The following TTC28 variants were observed in gnomAD, a reference collection of about 807,000 sequenced individuals.
TTC28 encodes the protein tetratricopeptide repeat domain 28.
A neutral mutation model predicts 198.0 loss-of-function variants in TTC28; 61 were observed. The observed-to-expected ratio is 0.31, with a 90% CI of 0.25 to 0.38. The LOEUF (loss-of-function observed/expected upper bound fraction) is 0.38. TTC28 is among the 10% of genes least tolerant of loss of function. The probability of loss-of-function intolerance (pLI) is 1.00; values close to 1 mark genes in which losing one functional copy is unlikely to be tolerated. For missense variants in TTC28, 2,678 were observed against 3,164.0 expected (o/e 0.85, Z 3.69); for synonymous variants, 1,171 against 1,297.8 (o/e 0.90, Z 2.10).
intron 5 of TTC28, among the ~76,000 whole-genome samples, chr22:28,278,890 C>T (rs543875250): frequency 2.6e-5 from 4 of 152,120 alleles, no homozygotes; most frequent in Non-Finnish European, 5.9e-5. Flanking sequence ...CTAGGATATG[C>T]GGGGTACGTA....
At chr22:28,366,503 T>C (rs1283399415) in intron 2 of TTC28, among the ~76,000 whole-genome samples, 1 of 152,040 alleles carries the variant, frequency 6.6e-6, no homozygotes, top group Non-Finnish European at 1.5e-5. Context: ...CAATAAAAAG[T>C]AATAAGTACT....
intron 2 of TTC28, among the ~76,000 whole-genome samples, chr22:28,568,660 C>G (rs2050016511): frequency 6.6e-6 from 1 of 152,068 alleles, no homozygotes; most frequent in African/African-American, 2.4e-5. Flanking sequence ...GGCAAAAGAG[C>G]TCTACAATGA....
intron 5 of TTC28, among the ~76,000 whole-genome samples, chr22:28,178,301 C>CA (rs71194755): frequency 0.62 from 85,054 of 137,194 alleles, 26,501 homozygotes; most frequent in Non-Finnish European, 0.66. Flanking sequence ...CTAATAAATA[C>CA]AAAAAAAAAA....
At chr22:28,277,438 G>C (rs571893289) in intron 5 of TTC28, among the ~76,000 whole-genome samples, 1 of 152,270 alleles carries the variant, frequency 6.6e-6, no homozygotes, top group South Asian at 2.1e-4. Context: ...CAGTGAATGG[G>C]AAGGGCATTG....
intron 2 of TTC28, among the ~76,000 whole-genome samples, chr22:28,388,165 C>T (rs559895019): frequency 4.6e-5 from 7 of 152,172 alleles, no homozygotes; most frequent in African/African-American, 1.7e-4. Flanking sequence ...AGATATGCGG[C>T]GTTATTTCTG....
intron 2 of TTC28, among the ~76,000 whole-genome samples, chr22:28,537,294 A>AATATC: frequency 1.3e-5 from 1 of 74,560 alleles, no homozygotes. Flanking sequence ...CTCCGTCTCA[A>AATATC]AAATAAAATA....
intron 6 of TTC28, among the ~76,000 whole-genome samples, chr22:28,120,366 C>CA (rs1478519976): frequency 1.3e-5 from 2 of 152,104 alleles, no homozygotes; most frequent in Non-Finnish European, 2.9e-5. Flanking sequence ...CGCCCTGGGA[C>CA]CTTCATTATC....
chr22:28,338,457 C>A (rs1057226705), intron 2 of TTC28, among the ~76,000 whole-genome samples: 2 of 151,824 alleles, frequency 1.3e-5, no homozygotes, highest in African/African-American at 4.8e-5. Flanking sequence ...TCCATTCTCC[C>A]CATGACTTTC....
chr22:28,127,271 T>C (rs1212546026), intron 6 of TTC28, among the ~76,000 whole-genome samples: 1 of 152,166 alleles, frequency 6.6e-6, no homozygotes, highest in East Asian at 1.9e-4. Flanking sequence ...TCTTAAGTCA[T>C]TTTGCTAAAA....
chr22:28,528,688 A>G (rs2049062370), intron 2 of TTC28, among the ~76,000 whole-genome samples: 1 of 149,996 alleles, frequency 6.7e-6, no homozygotes, highest in African/African-American at 2.4e-5. Context: ...GTGAACTGAG[A>G]TCACACCACT....
chr22:28,562,697 C>A (rs2049905648), intron 2 of TTC28, among the ~76,000 whole-genome samples: 1 of 152,192 alleles, frequency 6.6e-6, no homozygotes, highest in South Asian at 2.1e-4. Context: ...AGGTTTGGAG[C>A]TGACAAACAA....
At chr22:28,003,447 C>G (rs1320775325) in intron 14 of TTC28, among the ~76,000 whole-genome samples, 6 of 152,288 alleles carry the variant, frequency 3.9e-5, no homozygotes, top group Non-Finnish European at 2.9e-5. Context: ...TTCCACTGTT[C>G]CAGAGTCGCA....
chr22:28,413,558 A>C (rs2047120403), intron 2 of TTC28, among the ~76,000 whole-genome samples: 1 of 152,214 alleles, frequency 6.6e-6, no homozygotes, highest in East Asian at 1.9e-4. Flanking sequence ...ACTTACACCA[A>C]TACCAGAGGC....
At chr22:28,501,100 C>T (rs1020047338) in intron 2 of TTC28, among the ~76,000 whole-genome samples, 2 of 152,104 alleles carry the variant, frequency 1.3e-5, no homozygotes, top group Admixed American at 6.5e-5. Context: ...ATCTGTAGAG[C>T]ACCTACTATA....
intron 6 of TTC28, among the ~76,000 whole-genome samples, chr22:28,142,976 A>T (rs950361527): frequency 3.9e-5 from 6 of 152,218 alleles, no homozygotes; most frequent in Admixed American, 1.3e-4. Flanking sequence ...CAGGGGTGTG[A>T]AATGTCCTTC....
chr22:28,482,199 T>C (rs898018734), intron 2 of TTC28, among the ~76,000 whole-genome samples: 1 of 142,342 alleles, frequency 7.0e-6, no homozygotes, highest in South Asian at 2.3e-4. Flanking sequence ...GAGATAGTAA[T>C]GGGCAGTCTT....
intron 2 of TTC28, among the ~76,000 whole-genome samples, chr22:28,379,173 AT>A (rs911422506): frequency 6.6e-5 from 10 of 152,182 alleles, no homozygotes; most frequent in African/African-American, 2.2e-4. Context: ...AGCAAAAAAA[AT>A]ATATAATTTC....
intron 2 of TTC28, among the ~76,000 whole-genome samples, chr22:28,437,114 G>A (rs908873361): frequency 4.4e-4 from 66 of 151,668 alleles, no homozygotes; most frequent in African/African-American, 1.5e-3. Context: ...ACAGAGTCTC[G>A]CTCTGTCACC....
In TTC28 at chr22:28,149,046, G is replaced by A. The variant is rs189876559; in HGVS notation, c.1441+14046C>T. ...GAGAAACGTGTTGTTAGGTGATTTC[G>A]TCATTGTACGAACATCATCGAGTGT... is the stretch of plus-strand genomic sequence containing the variant. On this transcript the variant is annotated intron_variant, in intron 6 of 22. Coordinates refer to ENST00000397906, the MANE Select transcript of TTC28 (RefSeq NM_001145418.2). 1.4e-4 allele frequency among the ~76,000 whole-genome samples: 22 copies of A among 152,262 alleles called. No individual in the cohort carries two copies. The South Asian group carries it at 3.3e-3, about 23-fold the overall frequency.
Sources: allele counts gnomAD v4.1 joint callset (sites outside exome capture counted in the v4.1 genomes callset), GRCh38; gene constraint gnomAD v4.1.1; transcripts MANE v1.5; gene names NCBI Gene and HGNC (gene_info 2026-07-23, HGNC 2026-07-21).